The following SIMC1 variants were observed in gnomAD, a reference collection of about 807,000 sequenced individuals.
SIMC1 encodes the protein SUMO-interacting motif-containing protein 1.
In SIMC1, 55 loss-of-function variants were observed where a neutral mutation model predicts 82.3. The observed-to-expected ratio is 0.67, with a 90% CI of 0.54 to 0.84. The LOEUF (loss-of-function observed/expected upper bound fraction) is 0.84. SIMC1 is among the 40% of genes least tolerant of loss of function. The pLI is 0.00. For synonymous variants in SIMC1, 353 were observed against 426.3 expected, an observed-to-expected ratio of 0.83 and a Z score of 2.12; for missense variants, 915 against 1,107.2, an observed-to-expected ratio of 0.83 and a Z score of 2.46.
chr5:176,291,159 CTTTTT>C (rs1173030195), intron 2 of SIMC1, among the ~76,000 whole-genome samples: 2 of 88,502 alleles, frequency 2.3e-5, no homozygotes, highest in African/African-American at 4.6e-5. Context: ...TGTCACTTTA[CTTTTT>C]TTTTTTTTTT....
intron 4 of SIMC1, among the ~76,000 whole-genome samples, chr5:176,312,560 A>G (rs1581297766): frequency 7.6e-6 from 1 of 130,888 alleles, no homozygotes; most frequent in East Asian, 2.3e-4. Context: ...AAAAAAAAAA[A>G]TCTAGCACAG....
At chr5:176,340,555 C>G (rs893311072) in intron 9 of SIMC1, among the ~76,000 whole-genome samples, 3 of 152,140 alleles carry the variant, frequency 2.0e-5, no homozygotes, top group East Asian at 3.9e-4. Context: ...TGTCCACGGA[C>G]GGGGAAAAGC....
Position 176,256,716 on chromosome 5 carries a change from T to C in SIMC1, c.129+18079T>C, listed in dbSNP as rs576797396. Among the ~76,000 whole-genome samples the C allele has an allele frequency of 3.9e-5, 6 of 152,346 alleles. No homozygotes were observed. The East Asian group carries it at 1.2e-3, about 29-fold the overall frequency. Reference sequence around the variant, plus strand: ...AATATGGTGTTACCAATTGTGTCAGTCATTTTAAAACAATTATCTTTTCTC... The same window carrying C: ...AATATGGTGTTACCAATTGTGTCAGCCATTTTAAAACAATTATCTTTTCTC... On this transcript the variant is annotated intron_variant, in intron 1 of 9. Transcript: ENST00000429602.
intron 4 of SIMC1, among the ~76,000 whole-genome samples, chr5:176,298,334 C>T (rs1763906896): frequency 6.6e-6 from 1 of 152,224 alleles, no homozygotes. Context: ...TGGCCACCCA[C>T]CTCGACCTCC....
chr5:176,266,455 A>G lies in SIMC1; in HGVS notation c.130-23199A>G, dbSNP rs1178681691. Among the ~76,000 whole-genome samples the G allele has an allele frequency of 2.6e-5, 4 of 152,084 alleles. No homozygotes were observed. In the East Asian group the frequency reaches 7.7e-4, roughly 29 times the overall value. ...CTGCCTCAAGAGGCCAGGTTAAAAC[A>G]ACAGCAGCTGGAAACCATAAGAACA... On this transcript the variant is annotated intron_variant, in intron 1 of 9. Transcript: ENST00000429602.
intron 4 of SIMC1, 141 bp downstream of exon 4, chr5:176,296,461 C>G: frequency 1.5e-6 from 2 of 1,323,714 alleles, no homozygotes; most frequent in Non-Finnish European, 2.1e-6. Context: ...CCCAGGAGTT[C>G]AAGGCCAGCC....
rs1764415032 is a variant in SIMC1 at position 176,306,504 on chromosome 5, G to C, written c.1735-7187G>C. On this transcript the variant is annotated intron_variant, in intron 4 of 9. Transcript: ENST00000429602. ...AGGTGGGGAAAAGATTGAGAAATCG[G>C]ATGGTTGCCGTGTCTGTGTAGAAAG... Among the ~76,000 whole-genome samples, 2 of 147,032 alleles carry C rather than the reference G, an allele frequency of 1.4e-5. 1 individual carries two copies. The highest frequency in any genetic ancestry group is 4.4e-4 in the South Asian group (2 of 4,532).
intron 4 of SIMC1, among the ~76,000 whole-genome samples, chr5:176,303,670 C>T (rs1175380244): frequency 6.6e-6 from 1 of 152,132 alleles, no homozygotes; most frequent in East Asian, 1.9e-4. Context: ...TCTCACACTT[C>T]TTGACTGTAA....
chr5:176,345,502 CAGA>C lies in SIMC1; in HGVS notation c.*60_*62del. The C allele has an allele frequency of 1.3e-6, 2 of 1,539,664 alleles. No homozygotes were observed. The highest frequency in any genetic ancestry group is 1.7e-6 in the Non-Finnish European group (2 of 1,144,694). On this transcript the variant is annotated 3_prime_UTR_variant, in exon 10 of 10. Transcript: ENST00000429602. ...CTCCTGAACTCTCTCTCCAACTGCT[CAGA>C]AGCTCTAAAAGCATGAAAAGTGGTT...
At chr5:176,296,930 G>T (rs1272528545) in intron 4 of SIMC1, among the ~76,000 whole-genome samples, 1 of 152,206 alleles carries the variant, frequency 6.6e-6, no homozygotes, top group African/African-American at 2.4e-5. Context: ...GACCTACAGA[G>T]AATGTAAGAG....
chr5:176,271,612 G>T (rs1762429347), intron 1 of SIMC1, among the ~76,000 whole-genome samples: 2 of 151,354 alleles, frequency 1.3e-5, no homozygotes, highest in Non-Finnish European at 2.9e-5. Flanking sequence ...GATGGTTAAT[G>T]GGTACAAAAA....
At chr5:176,303,268 TAA>T (rs200189307) in intron 4 of SIMC1, among the ~76,000 whole-genome samples, 74,448 of 126,532 alleles carry the variant, frequency 0.59, 21,852 homozygotes, top group Middle Eastern at 0.62. Flanking sequence ...ACTCTGTCTT[TAA>T]AAAAAAAAAA....
chr5:176,293,768 G>C (rs1379158213), intron 2 of SIMC1, among the ~76,000 whole-genome samples: 1 of 150,200 alleles, frequency 6.7e-6, no homozygotes, highest in Non-Finnish European at 1.5e-5. Context: ...AAAAAATTAA[G>C]AGCTCCAAAT....
rs540390230 is a variant in SIMC1 at position 176,274,648 on chromosome 5, T to TTAA, written c.130-15005_130-15003dup. On this transcript the variant is annotated intron_variant, in intron 1 of 9. Transcript: ENST00000429602. ...GTTTTTATGGTTTTAGGTCTAACAT[T>TTAA]TAAGTCTTTAATCCATCTTGAATTG... Among the ~76,000 whole-genome samples, 31 of 152,030 alleles carry TTAA rather than the reference T, an allele frequency of 2.0e-4. 1 individual carries two copies. The South Asian group carries it at 6.4e-3, about 32-fold the overall frequency.
intron 1 of SIMC1, among the ~76,000 whole-genome samples, chr5:176,286,734 C>A (rs569993461): frequency 6.6e-6 from 1 of 152,326 alleles, no homozygotes; most frequent in South Asian, 2.1e-4. Flanking sequence ...ATCTGCCCAT[C>A]TGACAAAGGG....
At chr5:176,306,252 C>A (rs1444987186) in intron 4 of SIMC1, among the ~76,000 whole-genome samples, 1 of 110,236 alleles carries the variant, frequency 9.1e-6, no homozygotes, top group Non-Finnish European at 2.1e-5. Flanking sequence ...GTGAGGAGCC[C>A]CTCTGCCCGG....
At chr5:176,287,479 G>A (rs1314407336) in intron 1 of SIMC1, among the ~76,000 whole-genome samples, 4 of 152,156 alleles carry the variant, frequency 2.6e-5, no homozygotes. Context: ...GGGGCCTGTA[G>A]TGGGGTGGGT....
intron 1 of SIMC1, among the ~76,000 whole-genome samples, chr5:176,273,902 CATT>C (rs1383657428): frequency 1.3e-5 from 2 of 151,894 alleles, no homozygotes; most frequent in African/African-American, 2.4e-5. Flanking sequence ...TCCAGTCTAT[CATT>C]GTTGGACATT....
rs533851280 is a variant in SIMC1 at position 176,290,313 on chromosome 5, C to T, written c.789C>T (p.His263=). The T allele has an allele frequency of 1.2e-6, 2 of 1,613,934 alleles. No homozygotes were observed. The highest frequency in any genetic ancestry group is 1.7e-6 in the Non-Finnish European group (2 of 1,179,884). Residue 263 remains histidine, a synonymous_variant, in exon 2 of 10, where the codon CAC becomes CAT. Coordinates refer to ENST00000429602, the MANE Select transcript of SIMC1 (RefSeq NM_001308195.2). ...TMQCQLPALT[H]PPQEVPCPRQ... is the part of the protein sequence containing the mutation. ...AGTGCCAACTACCAGCTCTAACTCA[C>T]CCACCTCAAGAAGTGCCATGCCCTC...
Sources: allele counts gnomAD v4.1 joint callset (sites outside exome capture counted in the v4.1 genomes callset), GRCh38; gene constraint gnomAD v4.1.1; transcripts MANE v1.5; gene names NCBI Gene and HGNC (gene_info 2026-07-23, HGNC 2026-07-21).